The following SNX29 variants were observed in gnomAD, a reference collection of about 807,000 sequenced individuals.
The protein encoded by SNX29 is sorting nexin 29.
A neutral mutation model predicts 102.1 loss-of-function variants in SNX29; 78 were observed. The ratio of observed to expected loss-of-function variants is 0.76; its 90% CI spans 0.64 to 0.92. SNX29 has a LOEUF of 0.92. Among genes scored for constraint, SNX29 ranks in the 40% least tolerant of loss-of-function variants. The pLI is 0.00. For synonymous variants in SNX29, 580 were observed against 414.5 expected, an observed-to-expected ratio of 1.40 and a Z score of -4.85; for missense variants, 1,280 against 1,061.7, an observed-to-expected ratio of 1.21 and a Z score of -2.86.
At chr16:12,565,722 G>A (rs11639610) in intron 20 of SNX29, among the ~76,000 whole-genome samples, 39,677 of 152,026 alleles carry the variant, frequency 0.26, 5,734 homozygotes, top group East Asian at 0.44. Flanking sequence ...GGGTCTGCCC[G>A]GCTACAAGTC....
intron 19 of SNX29, among the ~76,000 whole-genome samples, chr16:12,490,801 C>G (rs1404459326): frequency 6.6e-6 from 1 of 152,188 alleles, no homozygotes; most frequent in Non-Finnish European, 1.5e-5. Flanking sequence ...CAGGTGTGCC[C>G]TGGAATACAC....
At chr16:12,527,181 C>G (rs6498315) in intron 20 of SNX29, 94 of 531,328 alleles carry the variant, frequency 1.8e-4, no homozygotes, top group African/African-American at 1.7e-3. Context: ...GATGGGATTA[C>G]AGGTCGGAAT....
At chr16:12,381,391 T>C (rs1490365156) in intron 16 of SNX29, among the ~76,000 whole-genome samples, 69 of 7,454 alleles carry the variant, frequency 9.3e-3, no homozygotes, top group Middle Eastern at 0.056. Flanking sequence ...ACCCACCCAC[T>C]CATCATCCAT....
At chr16:12,324,784 C>G (rs916947134) in intron 15 of SNX29, among the ~76,000 whole-genome samples, 50 of 152,074 alleles carry the variant, frequency 3.3e-4, no homozygotes, top group Non-Finnish European at 7.4e-5. Flanking sequence ...GCCTCCTGAC[C>G]CAGCAATCCA....
rs28605243 is a variant in SNX29, at chr16:12,571,089, C to T, written c.*2460C>T. The T allele has an allele frequency of 0.3, 70,396 of 232,280 alleles. 11,283 individuals carry two copies. The highest frequency in any genetic ancestry group is 0.45 in the Middle Eastern group (355 of 786). 14.4% of individuals were successfully genotyped at this position (232,280 alleles called of 1,614,324 possible). On this transcript the variant is annotated 3_prime_UTR_variant, in exon 21 of 21. Coordinates refer to ENST00000566228, the MANE Select transcript of SNX29 (RefSeq NM_032167.5). ...TGGCCCGCACATGACAGCAACTCCCCGAAGCCTTCCCTTTGGAATCCCATA... is the reference window on the plus strand; with the variant it reads ...TGGCCCGCACATGACAGCAACTCCCTGAAGCCTTCCCTTTGGAATCCCATA...
At chr16:12,298,986 A>C (rs1450764778) in intron 15 of SNX29, among the ~76,000 whole-genome samples, 1 of 143,634 alleles carries the variant, frequency 7.0e-6, no homozygotes, top group African/African-American at 2.8e-5. Flanking sequence ...AGAGAGGACC[A>C]ATGAGTCTTT....
intron 14 of SNX29, among the ~76,000 whole-genome samples, chr16:12,252,706 G>A (rs948953090): frequency 1.3e-5 from 2 of 152,180 alleles, no homozygotes; most frequent in Non-Finnish European, 2.9e-5. Context: ...TTGCGGTGCC[G>A]AGGTGCCTGG....
At chr16:12,476,813 G>A (rs2087675944) in intron 18 of SNX29, among the ~76,000 whole-genome samples, 1 of 152,112 alleles carries the variant, frequency 6.6e-6, no homozygotes, top group South Asian at 2.1e-4. Flanking sequence ...TGGGGTTGAT[G>A]GGTGGCTTTC....
In SNX29 at chr16:12,571,268, G is replaced by C. The variant is rs562157785; in HGVS notation, c.*2639G>C. ...AAACACCCAGGCCTAGCAGAATTGTGGCTGAAACCTGGTGCCCAAATTCCA... is the reference window on the plus strand; with the variant it reads ...AAACACCCAGGCCTAGCAGAATTGTCGCTGAAACCTGGTGCCCAAATTCCA... On this transcript the variant is annotated 3_prime_UTR_variant, in exon 21 of 21. Transcript: ENST00000566228. 1 of 232,092 alleles carries C rather than the reference G, an allele frequency of 4.3e-6. No individual in the cohort carries two copies. Among genetic ancestry groups the C allele is most frequent in the East Asian group, 6.1e-5 (1 of 16,436 alleles). 14.4% of individuals were successfully genotyped at this position (232,092 alleles called of 1,614,324 possible). A position where few individuals can be genotyped will look rare whatever the true frequency, so the allele number is the denominator to read the frequency against.
At chr16:12,438,933 G>A (rs2085666521) in intron 18 of SNX29, among the ~76,000 whole-genome samples, 1 of 152,212 alleles carries the variant, frequency 6.6e-6, no homozygotes, top group African/African-American at 2.4e-5. Context: ...GCAGGGAAGG[G>A]GGAGAATGAT....
At chr16:12,412,223 C>G (rs2084427811) in intron 18 of SNX29, among the ~76,000 whole-genome samples, 1 of 152,202 alleles carries the variant, frequency 6.6e-6, no homozygotes, top group Non-Finnish European at 1.5e-5. Context: ...ATGGGGTAGG[C>G]ACTGTTTTCA....
At chr16:12,398,592 A>T (rs575611813) in intron 17 of SNX29, 91 bp downstream of exon 17, 111 of 1,445,942 alleles carry the variant, frequency 7.7e-5, no homozygotes, top group Non-Finnish European at 1.1e-4. Flanking sequence ...GGGAAACAGA[A>T]ATCACTGTTG....
chr16:12,129,570 C>T (rs2054363891), intron 12 of SNX29, 60 bp from the exon 13 acceptor site: 1 of 1,544,252 alleles, frequency 6.5e-7, no homozygotes, highest in African/African-American at 1.4e-5. Context: ...GGAACTGTGT[C>T]CTGGGCTCAG....
intron 19 of SNX29, among the ~76,000 whole-genome samples, chr16:12,484,100 G>A (rs1362460786): frequency 3.3e-5 from 5 of 152,282 alleles, no homozygotes; most frequent in East Asian, 1.9e-4. Flanking sequence ...CAAAGGAGTC[G>A]CAGTTCACCT....
intron 20 of SNX29, among the ~76,000 whole-genome samples, chr16:12,541,504 G>A (rs59416912): frequency 6.6e-6 from 1 of 152,086 alleles, no homozygotes; most frequent in Non-Finnish European, 1.5e-5. Flanking sequence ...TGTGATCTGA[G>A]TCCCAAGTCA....
intron 13 of SNX29, among the ~76,000 whole-genome samples, chr16:12,170,179 C>G (rs1411329445): frequency 6.6e-6 from 1 of 151,990 alleles, no homozygotes; most frequent in East Asian, 1.9e-4. Flanking sequence ...TTGAAATTGC[C>G]CCAGTTGAGA....
intron 20 of SNX29, among the ~76,000 whole-genome samples, chr16:12,525,449 G>A (rs1310229495): frequency 6.6e-6 from 1 of 152,072 alleles, no homozygotes; most frequent in Non-Finnish European, 1.5e-5. Flanking sequence ...GAGGCGGGTG[G>A]ATCACCTGAG....
At chr16:12,036,471 A>T (rs1208724959) in intron 4 of SNX29, among the ~76,000 whole-genome samples, 5 of 151,152 alleles carry the variant, frequency 3.3e-5, no homozygotes, top group Non-Finnish European at 7.4e-5. Context: ...AGTAGCTGGG[A>T]CTACAGGTGC....
At chr16:12,221,850 G>A (rs907646362) in intron 14 of SNX29, among the ~76,000 whole-genome samples, 4 of 152,140 alleles carry the variant, frequency 2.6e-5, no homozygotes, top group South Asian at 4.1e-4. Context: ...GCATGATCCC[G>A]TGCTTCCTTG....
Sources: gnomAD v4.1 joint callset for allele counts (sites outside exome capture counted in the v4.1 genomes callset) on GRCh38, gnomAD v4.1.1 for gene constraint, MANE v1.5 for transcripts, NCBI Gene and HGNC (gene_info 2026-07-23, HGNC 2026-07-21) for gene names.